RAP1GAP2: variants seen among roughly 807,000 people sequenced by gnomAD.
RAP1GAP2 encodes rap1 GTPase-activating protein 2.
RAP1GAP2 carries 27 observed loss-of-function variants against 95.0 expected under a neutral mutation model. The observed-to-expected ratio is 0.28, with a 90% CI of 0.21 to 0.39. RAP1GAP2 has a LOEUF of 0.39. RAP1GAP2 is among the 10% of genes least tolerant of loss of function. The pLI, the probability that RAP1GAP2 is intolerant of heterozygous loss-of-function variation, is 1.00. For missense variants in RAP1GAP2, 771 were observed against 970.0 expected, an observed-to-expected ratio of 0.79 and a Z score of 2.72; for synonymous variants, 373 against 380.9, an observed-to-expected ratio of 0.98 and a Z score of 0.24.
chr17:2,860,163 A>T (rs145717915), intron 2 of RAP1GAP2, among the ~76,000 whole-genome samples: 1 of 152,188 alleles, frequency 6.6e-6, no homozygotes, highest in East Asian at 1.9e-4. Context: ...TGGAAGGGGC[A>T]TGAGACAGGA....
At chr17:2,776,176 C>G (rs2068494598), upstream of RAP1GAP2, among the ~76,000 whole-genome samples, 1 of 152,168 alleles carries the variant, frequency 6.6e-6, no homozygotes, top group South Asian at 2.1e-4. Flanking sequence ...AAGACTCTGT[C>G]TCATAAAAGT....
At position 2,918,214 on chromosome 17, in the gene RAP1GAP2, T is replaced by C. The variant is rs530564399; in HGVS notation, c.165+12846T>C. ...ACTTTGGAAGGCTGAGGCGGGCAGA[T>C]CATGAGGTCAGGAGTTCAAGACCAG... On this transcript the variant is annotated intron_variant, in intron 3 of 24. Coordinates refer to ENST00000254695, the MANE Select transcript of RAP1GAP2 (RefSeq NM_015085.5). Among the ~76,000 whole-genome samples, 524 of 151,862 alleles carry C rather than the reference T, an allele frequency of 3.5e-3. 4 individuals are homozygous for C. Among genetic ancestry groups the C allele is most frequent in the East Asian group, 0.018 (90 of 5,122 alleles).
At chr17:2,993,316 A>G (rs930951131) in intron 12 of RAP1GAP2, among the ~76,000 whole-genome samples, 5 of 148,578 alleles carry the variant, frequency 3.4e-5, no homozygotes, top group Non-Finnish European at 7.5e-5. Context: ...GCTCACGCCT[A>G]TAACCCCAGC....
At position 3,029,132 on chromosome 17, in the gene RAP1GAP2, A is replaced by G. The variant is rs1376261181; in HGVS notation, c.2108-1790A>G. ...TGTTTTGTTTTGTTTTGTTTTCTAA[A>G]TAAGACTTAAATATTGAAGGAATGA... On this transcript the variant is annotated intron_variant, in intron 22 of 24. Coordinates refer to ENST00000254695, the MANE Select transcript of RAP1GAP2 (RefSeq NM_015085.5). This position sits in a 1 kb window ranked among gnomAD's most constrained non-coding sequence, Gnocchi z 4.4. Among the ~76,000 whole-genome samples the G allele has an allele frequency of 6.6e-6, 1 of 152,164 alleles. No homozygotes were observed. Among genetic ancestry groups the G allele is most frequent in the Non-Finnish European group, 1.5e-5 (1 of 68,038 alleles).
chr17:2,843,393 T>C (rs984289567), intron 2 of RAP1GAP2, among the ~76,000 whole-genome samples: 2 of 151,858 alleles, frequency 1.3e-5, no homozygotes, highest in Non-Finnish European at 2.9e-5. Flanking sequence ...TCAAGCTATT[T>C]TCCTGCCTCA....
rs1290529090 is a variant in RAP1GAP2, at chr17:2,871,408, G to C, written c.81-33876G>C. Among the ~76,000 whole-genome samples, 2 of 152,168 alleles carry C rather than the reference G, an allele frequency of 1.3e-5. No homozygotes were observed. The highest frequency in any genetic ancestry group is 4.8e-5 in the African/African-American group (2 of 41,454). ...CTATGTGCAGGGGTGGGAGCGGGGA[G>C]CCATGATTGGCCCAGGGAGAGTCAG... is the stretch of plus-strand genomic sequence containing the variant. On this transcript the variant is annotated intron_variant, in intron 2 of 24. Transcript: ENST00000254695. This position sits in a 1 kb window ranked among gnomAD's most constrained non-coding sequence, Gnocchi z 5.0.
intron 2 of RAP1GAP2, among the ~76,000 whole-genome samples, chr17:2,896,660 G>A (rs374640104): frequency 2.6e-5 from 4 of 152,300 alleles, no homozygotes; most frequent in East Asian, 3.9e-4. Context: ...GGCCCCAGGT[G>A]CCCCCAACCA....
intron 2 of RAP1GAP2, among the ~76,000 whole-genome samples, chr17:2,891,670 T>C (rs2073720767): frequency 6.6e-6 from 1 of 151,746 alleles, no homozygotes; most frequent in East Asian, 1.9e-4. Flanking sequence ...AGAATGTCTT[T>C]ATTGGTTGAT....
At chr17:2,835,097 T>A (rs2071074517) in intron 2 of RAP1GAP2, among the ~76,000 whole-genome samples, 1 of 150,516 alleles carries the variant, frequency 6.6e-6, no homozygotes, top group Admixed American at 6.7e-5. Flanking sequence ...TTTTTTTTTG[T>A]ATTTTTAGTA....
intron 3 of RAP1GAP2, among the ~76,000 whole-genome samples, chr17:2,950,236 T>C (rs1048730705): frequency 2.6e-5 from 4 of 151,958 alleles, no homozygotes; most frequent in African/African-American, 9.7e-5. Flanking sequence ...GTATTTTTAA[T>C]AGAGACAGTT....
In RAP1GAP2 at chr17:2,903,942, G is replaced by A. The variant is rs188546845; in HGVS notation, c.81-1342G>A. On this transcript the variant is annotated intron_variant, in intron 2 of 24. Coordinates refer to ENST00000254695, the MANE Select transcript of RAP1GAP2 (RefSeq NM_015085.5). The surrounding 1 kb of genome is among the most constrained non-coding windows in gnomAD (Gnocchi z 4.1). ...GTTTCTGTCATGAAGAAGGTGTGGGGTTGGAACTGTCGCTTCGCTGGCAGG... is the reference window on the plus strand; with the variant it reads ...GTTTCTGTCATGAAGAAGGTGTGGGATTGGAACTGTCGCTTCGCTGGCAGG... 1.4e-4 allele frequency among the ~76,000 whole-genome samples: 21 copies of A among 152,342 alleles called. No individual in the cohort carries two copies. The highest frequency in any genetic ancestry group is 2.6e-4 in the Non-Finnish European group (18 of 68,034).
At chr17:2,960,693 G>T (rs1286993742) in intron 4 of RAP1GAP2, among the ~76,000 whole-genome samples, 1 of 152,216 alleles carries the variant, frequency 6.6e-6, no homozygotes, top group Non-Finnish European at 1.5e-5. Flanking sequence ...AGTGCTGTGA[G>T]TTTCAAAGGA....
chr17:2,895,865 A>C (rs1597544201), intron 2 of RAP1GAP2, among the ~76,000 whole-genome samples: 2 of 152,080 alleles, frequency 1.3e-5, no homozygotes, highest in Non-Finnish European at 2.9e-5. Flanking sequence ...TCTGTGAGCC[A>C]CCGCGCCCGG....
rs375021429 is a variant in RAP1GAP2, at chr17:2,800,559, C to A, written c.80+9C>A. 5.0e-5 allele frequency: 81 copies of A among 1,611,902 alleles called. No homozygotes were observed. Among genetic ancestry groups the A allele is most frequent in the Non-Finnish European group, 4.7e-5 (56 of 1,179,046 alleles). On this transcript the variant is annotated intron_variant, in intron 2 of 24. Coordinates refer to ENST00000254695, the MANE Select transcript of RAP1GAP2 (RefSeq NM_015085.5). The stretch of plus-strand genomic sequence containing the variant: ...GCAAGTCTGAAGGTCAAGTAAGTAG[C>A]AATTTCCTGTTCTGTAAAGGTCAGA...
chr17:2,809,420 G>A (rs551250222), intron 2 of RAP1GAP2, among the ~76,000 whole-genome samples: 12 of 152,324 alleles, frequency 7.9e-5, no homozygotes, highest in African/African-American at 2.4e-4. Flanking sequence ...CCGTGTGAGT[G>A]TGAGGGTATG....
Position 2,866,538 on chromosome 17 carries a change from G to C in RAP1GAP2, c.81-38746G>C, listed in dbSNP as rs1254457395. The stretch of plus-strand genomic sequence containing the variant: ...TTGGGGCCCAAGGGCCTTTGTGTTG[G>C]TGAGGCAGTAGATAATACCCCCAAA... On this transcript the variant is annotated intron_variant, in intron 2 of 24. Coordinates refer to ENST00000254695, the MANE Select transcript of RAP1GAP2 (RefSeq NM_015085.5). The surrounding 1 kb of genome is among the most constrained non-coding windows in gnomAD (Gnocchi z 4.0). 6.6e-6 allele frequency among the ~76,000 whole-genome samples: 1 copy of C among 152,208 alleles called. No individual in the cohort carries two copies. The highest frequency in any genetic ancestry group is 2.4e-5 in the African/African-American group (1 of 41,464).
chr17:2,914,482 C>T (rs143911236), intron 3 of RAP1GAP2, among the ~76,000 whole-genome samples: 4 of 151,930 alleles, frequency 2.6e-5, no homozygotes, highest in African/African-American at 2.4e-5. Context: ...TAGTCAAGTT[C>T]GTTTCTTTTC....
intron 2 of RAP1GAP2, among the ~76,000 whole-genome samples, chr17:2,844,388 C>G (rs1054708078): frequency 6.6e-6 from 1 of 152,044 alleles, no homozygotes; most frequent in Admixed American, 6.6e-5. Flanking sequence ...AATTTTTTTC[C>G]CCTAAGAGTA....
chr17:2,929,633 C>T (rs965875479), intron 3 of RAP1GAP2, among the ~76,000 whole-genome samples: 2 of 152,178 alleles, frequency 1.3e-5, no homozygotes, highest in Non-Finnish European at 2.9e-5. Context: ...TGCCCTCTTC[C>T]GTTGCTTAGG....
Sources: allele counts gnomAD v4.1 joint callset (sites outside exome capture counted in the v4.1 genomes callset), GRCh38; gene constraint gnomAD v4.1.1; non-coding constraint Gnocchi (gnomAD v3.1); transcripts MANE v1.5; gene names NCBI Gene and HGNC (gene_info 2026-07-23, HGNC 2026-07-21).